Variants in LHFPL3 observed in about 807,000 individuals in gnomAD.
The protein encoded by LHFPL3 is LHFPL tetraspan subfamily member 3 protein.
A neutral mutation model predicts 19.3 loss-of-function variants in LHFPL3; 5 were observed. The observed-to-expected ratio is 0.26, with a 90% CI of 0.14 to 0.54. LHFPL3 has a LOEUF of 0.54. Ranked by LOEUF, LHFPL3 falls within the 20% of genes least tolerant of loss-of-function variation. The pLI is 0.94. For missense variants in LHFPL3, 249 were observed against 307.4 expected, an observed-to-expected ratio of 0.81 and a Z score of 1.42; for synonymous variants, 133 against 126.2, an observed-to-expected ratio of 1.05 and a Z score of -0.36.
chr7:104,512,854 T>C lies in LHFPL3; in HGVS notation c.445+183630T>C, dbSNP rs138214642. Among the ~76,000 whole-genome samples, 35 of 152,274 alleles carry C rather than the reference T, an allele frequency of 2.3e-4. No individual in the cohort carries two copies. In the East Asian group the frequency reaches 6.4e-3, roughly 28 times the overall value. On this transcript the variant is annotated intron_variant, in intron 1 of 2. Transcript: ENST00000424859. Reference sequence around the variant, plus strand: ...AGTGAGATGATGCTTGAGTTATATCTTGGAGGATGAGCAGTTATTCTCTTT... The same window carrying C: ...AGTGAGATGATGCTTGAGTTATATCCTGGAGGATGAGCAGTTATTCTCTTT...
intron 1 of LHFPL3, among the ~76,000 whole-genome samples, chr7:104,518,826 G>A (rs1175333263): frequency 1.3e-5 from 2 of 150,878 alleles, no homozygotes; most frequent in African/African-American, 4.9e-5. Context: ...TAGATAGATA[G>A]ATAGATAGAT....
chr7:104,625,916 G>C (rs764132395), intron 1 of LHFPL3, among the ~76,000 whole-genome samples: 10 of 152,146 alleles, frequency 6.6e-5, no homozygotes, highest in Non-Finnish European at 1.3e-4. Context: ...CTTCTTCAAA[G>C]TTTCCAAAAC....
intron 2 of LHFPL3, chr7:104,895,388 C>A (rs1225858917): frequency 6.6e-6 from 1 of 152,184 alleles, no homozygotes. Context: ...GCTACTGACC[C>A]AGTTAGCTTT....
intron 1 of LHFPL3, among the ~76,000 whole-genome samples, chr7:104,661,803 ATG>A (rs1300019457): frequency 6.6e-6 from 1 of 152,138 alleles, no homozygotes; most frequent in African/African-American, 2.4e-5. Flanking sequence ...TTTCCTTATT[ATG>A]TCGAGAACTT....
At chr7:104,426,331 A>T (rs1584311828) in intron 1 of LHFPL3, among the ~76,000 whole-genome samples, 1 of 152,124 alleles carries the variant, frequency 6.6e-6, no homozygotes, top group South Asian at 2.1e-4. Context: ...ATCTTGGCTC[A>T]CTGCAGCCTC....
At chr7:104,658,746 C>T (rs113958263) in intron 1 of LHFPL3, among the ~76,000 whole-genome samples, 17,989 of 152,146 alleles carry the variant, frequency 0.12, 1,184 homozygotes, top group Non-Finnish European at 0.15. Flanking sequence ...GCTGAGATCA[C>T]GCCACTGCAC....
intron 1 of LHFPL3, among the ~76,000 whole-genome samples, chr7:104,589,992 T>A (rs1307689590): frequency 2.6e-5 from 4 of 152,212 alleles, no homozygotes; most frequent in African/African-American, 7.2e-5. Flanking sequence ...TCTATTTGAT[T>A]CTTCTCTCTT....
chr7:104,653,637 A>G (rs1792072447), intron 1 of LHFPL3, among the ~76,000 whole-genome samples: 1 of 152,234 alleles, frequency 6.6e-6, no homozygotes, highest in Non-Finnish European at 1.5e-5. Flanking sequence ...AGCAGCTACC[A>G]CTTGCAAACA....
intron 2 of LHFPL3, among the ~76,000 whole-genome samples, chr7:104,798,604 T>C (rs1042025631): frequency 6.6e-6 from 1 of 152,196 alleles, no homozygotes; most frequent in African/African-American, 2.4e-5. Flanking sequence ...ATTAGTTGCC[T>C]TTTTTCTAAA....
intron 1 of LHFPL3, among the ~76,000 whole-genome samples, chr7:104,392,040 C>T (rs936568090): frequency 1.3e-4 from 20 of 152,114 alleles, no homozygotes; most frequent in Non-Finnish European, 2.2e-4. Flanking sequence ...GATTTTGTAT[C>T]CTGAGGCTTT....
intron 1 of LHFPL3, among the ~76,000 whole-genome samples, chr7:104,495,751 G>C (rs1216628887): frequency 6.6e-6 from 1 of 152,010 alleles, no homozygotes; most frequent in Non-Finnish European, 1.5e-5. Flanking sequence ...TTGAACTCCC[G>C]GCCTCAAGTG....
At chr7:104,729,826 A>G (rs1208639445) in intron 1 of LHFPL3, among the ~76,000 whole-genome samples, 1 of 152,120 alleles carries the variant, frequency 6.6e-6, no homozygotes, top group Non-Finnish European at 1.5e-5. Flanking sequence ...TACATGTGAC[A>G]TGTTGGTGTG....
chr7:104,691,654 T>G (rs1792907891), intron 1 of LHFPL3, among the ~76,000 whole-genome samples: 1 of 152,244 alleles, frequency 6.6e-6, no homozygotes, highest in Non-Finnish European at 1.5e-5. Flanking sequence ...GAAGCACAAT[T>G]GGAAAATTGT....
intron 1 of LHFPL3, among the ~76,000 whole-genome samples, chr7:104,608,559 A>C (rs1388180229): frequency 4.0e-5 from 6 of 151,494 alleles, no homozygotes; most frequent in Non-Finnish European, 7.4e-5. Flanking sequence ...TGACGAGTTA[A>C]TGGGTGCAGT....
At chr7:104,713,692 A>C (rs1268431175) in intron 1 of LHFPL3, among the ~76,000 whole-genome samples, 2 of 152,218 alleles carry the variant, frequency 1.3e-5, no homozygotes, top group African/African-American at 4.8e-5. Flanking sequence ...AGTAATTTAC[A>C]TGAGCAGCAT....
chr7:104,587,906 C>T (rs1335167737), intron 1 of LHFPL3, among the ~76,000 whole-genome samples: 2 of 152,230 alleles, frequency 1.3e-5, no homozygotes, highest in African/African-American at 4.8e-5. Context: ...CTTTCGGCTG[C>T]ATAAATCTCT....
intron 1 of LHFPL3, among the ~76,000 whole-genome samples, chr7:104,569,639 G>C (rs1004926872): frequency 6.6e-6 from 1 of 152,140 alleles, no homozygotes; most frequent in Non-Finnish European, 1.5e-5. Context: ...AAAAACAGTT[G>C]TAAATAATAT....
At chr7:104,745,101 C>G (rs1562980145) in intron 2 of LHFPL3, among the ~76,000 whole-genome samples, 1 of 152,162 alleles carries the variant, frequency 6.6e-6, no homozygotes, top group Non-Finnish European at 1.5e-5. Flanking sequence ...TTCTGATACT[C>G]CCCACAAAAT....
chr7:104,829,477 C>T (rs1344146865), intron 2 of LHFPL3, among the ~76,000 whole-genome samples: 3 of 151,740 alleles, frequency 2.0e-5, no homozygotes, highest in South Asian at 2.1e-4. Context: ...CTATCCCTCC[C>T]CCATCCCCCT....
Sources: allele counts gnomAD v4.1 joint callset (sites outside exome capture counted in the v4.1 genomes callset), GRCh38; gene constraint gnomAD v4.1.1; transcripts MANE v1.5; gene names NCBI Gene and HGNC (gene_info 2026-07-23, HGNC 2026-07-21).